Variants in TMEM178B observed in about 807,000 individuals in gnomAD.
TMEM178B encodes the protein transmembrane protein 178B.
TMEM178B carries 5 observed loss-of-function variants against 31.0 expected under a neutral mutation model. The ratio of observed to expected loss-of-function variants is 0.16; its 90% CI spans 0.08 to 0.34. TMEM178B has a LOEUF of 0.34. Ranked by LOEUF, TMEM178B falls within the 10% of genes least tolerant of loss-of-function variation. The probability of loss-of-function intolerance (pLI) is 1.00; values close to 1 mark genes in which losing one functional copy is unlikely to be tolerated. For missense variants in TMEM178B, 275 were observed against 400.3 expected, an observed-to-expected ratio of 0.69 and a Z score of 2.67; for synonymous variants, 164 against 164.0, an observed-to-expected ratio of 1.00 and a Z score of 0.00.
intron 3 of TMEM178B, among the ~76,000 whole-genome samples, chr7:141,448,176 C>G (rs1468656564): frequency 6.6e-6 from 1 of 152,022 alleles, no homozygotes; most frequent in African/African-American, 2.4e-5. Flanking sequence ...ATTGAGAACA[C>G]AACCTGTTAA....
chr7:141,332,644 G>A (rs1226588436), intron 2 of TMEM178B, among the ~76,000 whole-genome samples: 2 of 152,220 alleles, frequency 1.3e-5, no homozygotes, highest in East Asian at 1.9e-4. Context: ...ATGTGCATAT[G>A]GGAGGAGGGT....
the TMEM178B span, among the ~76,000 whole-genome samples, chr7:141,488,673 C>G: frequency 2.6e-5 from 4 of 151,956 alleles, no homozygotes; most frequent in African/African-American, 9.7e-5. Flanking sequence ...CTCTTGAGCT[C>G]GTGATCTGCC....
intron 2 of TMEM178B, among the ~76,000 whole-genome samples, chr7:141,239,190 A>G (rs1026607664): frequency 6.6e-6 from 1 of 152,080 alleles, no homozygotes; most frequent in Non-Finnish European, 1.5e-5. Flanking sequence ...GTGCATATAC[A>G]TTTTGCTGTA....
chr7:141,321,594 G>A (rs1279534322), intron 2 of TMEM178B, among the ~76,000 whole-genome samples: 3 of 152,198 alleles, frequency 2.0e-5, no homozygotes, highest in East Asian at 3.9e-4. Context: ...TGGCTTTAAG[G>A]GCTCAACCGT....
At chr7:141,407,515 A>G (rs1481685611) in intron 2 of TMEM178B, among the ~76,000 whole-genome samples, 1 of 152,130 alleles carries the variant, frequency 6.6e-6, no homozygotes, top group East Asian at 1.9e-4. Flanking sequence ...AATGCTTCTG[A>G]TATGCTTTGA....
intron 2 of TMEM178B, among the ~76,000 whole-genome samples, chr7:141,295,563 A>G (rs1798617920): frequency 6.6e-6 from 1 of 152,128 alleles, no homozygotes. Context: ...GATTATTTTT[A>G]TGAGGCTCTA....
intron 2 of TMEM178B, among the ~76,000 whole-genome samples, chr7:141,249,572 G>A (rs1163714384): frequency 6.6e-6 from 1 of 152,194 alleles, no homozygotes; most frequent in East Asian, 1.9e-4. Flanking sequence ...GCAGAAGAAG[G>A]CCCAGTTCAG....
intron 1 of TMEM178B, among the ~76,000 whole-genome samples, chr7:141,184,635 C>T (rs1023645809): frequency 6.6e-6 from 1 of 152,226 alleles, no homozygotes; most frequent in Admixed American, 6.5e-5. Flanking sequence ...TGGCTGTGGG[C>T]TCTTTGTTTA....
chr7:141,097,365 C>CAAA (rs10718738), intron 1 of TMEM178B, among the ~76,000 whole-genome samples: 24 of 85,300 alleles, frequency 2.8e-4, no homozygotes, highest in Non-Finnish European at 3.9e-4. Context: ...GACTCCGTCT[C>CAAA]AAAAAAAAAA....
intron 2 of TMEM178B, among the ~76,000 whole-genome samples, chr7:141,382,104 T>C (rs1313908281): frequency 6.6e-6 from 1 of 152,224 alleles, no homozygotes; most frequent in Non-Finnish European, 1.5e-5. Context: ...GGAGAACTGT[T>C]CTACCTCCTG....
chr7:141,203,009 T>C (rs533217330), intron 1 of TMEM178B, among the ~76,000 whole-genome samples: 1 of 152,326 alleles, frequency 6.6e-6, no homozygotes, highest in South Asian at 2.1e-4. Flanking sequence ...CTCCAATCTT[T>C]AAGCCCCTAG....
the TMEM178B span, among the ~76,000 whole-genome samples, chr7:141,509,415 C>G: frequency 3.3e-5 from 5 of 152,008 alleles, no homozygotes; most frequent in Non-Finnish European, 7.4e-5. Context: ...TTTGGGAGGC[C>G]GAGGCAGGAG....
chr7:141,276,786 A>G (rs1798273395), intron 2 of TMEM178B, among the ~76,000 whole-genome samples: 1 of 152,194 alleles, frequency 6.6e-6, no homozygotes, highest in South Asian at 2.1e-4. Context: ...GAGCCTACTT[A>G]CTATACACCT....
intron 2 of TMEM178B, among the ~76,000 whole-genome samples, chr7:141,257,507 T>G (rs146422009): frequency 2.0e-5 from 3 of 152,208 alleles, no homozygotes; most frequent in African/African-American, 7.2e-5. Context: ...TTCGCAGCTT[T>G]TTAAGAGCTG....
intron 2 of TMEM178B, among the ~76,000 whole-genome samples, chr7:141,264,500 G>A (rs540650980): frequency 1.3e-5 from 2 of 152,336 alleles, no homozygotes; most frequent in South Asian, 2.1e-4. Flanking sequence ...GATGAGGGAG[G>A]GGGGTGAGGA....
intron 2 of TMEM178B, among the ~76,000 whole-genome samples, chr7:141,402,811 G>T (rs1371709525): frequency 1.3e-5 from 2 of 152,272 alleles, no homozygotes; most frequent in Admixed American, 6.5e-5. Context: ...CCTGAGTGCT[G>T]ACAGCAACTG....
chr7:141,506,815 G>C, the TMEM178B span, among the ~76,000 whole-genome samples: 1 of 152,196 alleles, frequency 6.6e-6, no homozygotes, highest in Non-Finnish European at 1.5e-5. Context: ...CTATGAGCCT[G>C]TAAAATCAAA....
At chr7:141,103,764 T>C (rs531978412) in intron 1 of TMEM178B, among the ~76,000 whole-genome samples, 1 of 152,294 alleles carries the variant, frequency 6.6e-6, no homozygotes, top group Non-Finnish European at 1.5e-5. Flanking sequence ...TATAATATGT[T>C]TTTTCTATTT....
chr7:141,433,220 T>C (rs752526602), intron 2 of TMEM178B, among the ~76,000 whole-genome samples: 2 of 152,234 alleles, frequency 1.3e-5, no homozygotes, highest in Non-Finnish European at 2.9e-5. Flanking sequence ...CTCAGTGATA[T>C]GCAGTGGCCA....
Sources: allele counts gnomAD v4.1 joint callset (sites outside exome capture counted in the v4.1 genomes callset), GRCh38; gene constraint gnomAD v4.1.1; transcripts MANE v1.5; gene names NCBI Gene and HGNC (gene_info 2026-07-23, HGNC 2026-07-21).